Variants in MCPH1 observed in about 807,000 individuals in gnomAD.
MCPH1 encodes the protein microcephalin 1, also known as microcephalin.
Under a neutral mutation model 84.5 loss-of-function variants are expected in MCPH1, and 104 were observed. The observed-to-expected ratio is 1.23, with a 90% CI of 1.05 to 1.45. The LOEUF is 1.45. Among genes scored for constraint, MCPH1 ranks in the 40% most tolerant of loss-of-function variants. MCPH1 has a pLI of 0.00. For synonymous variants in MCPH1, 514 were observed against 366.8 expected (o/e 1.40, Z -4.58); for missense variants, 1,498 against 1,005.7 (o/e 1.49, Z -6.62).
chr8:6,453,490 T>G (rs989336092), intron 8 of MCPH1, among the ~76,000 whole-genome samples: 2 of 152,158 alleles, frequency 1.3e-5, no homozygotes, highest in Non-Finnish European at 2.9e-5. Flanking sequence ...ACAGCCTGTT[T>G]CGTTGTTCGG....
intron 12 of MCPH1, among the ~76,000 whole-genome samples, chr8:6,597,230 C>T (rs1828996965): frequency 6.6e-6 from 1 of 152,192 alleles, no homozygotes; most frequent in Non-Finnish European, 1.5e-5. Flanking sequence ...TCTGGCTGCT[C>T]ACAAGGCACC....
intron 1 of MCPH1, 61 bp downstream of exon 1, chr8:6,406,750 G>T: frequency 6.3e-7 from 1 of 1,584,718 alleles, no homozygotes; most frequent in Admixed American, 1.7e-5. Context: ...ACCCCTCGTC[G>T]CGGGCGCACT....
intron 3 of MCPH1, among the ~76,000 whole-genome samples, chr8:6,420,236 G>A (rs1224886791): frequency 6.6e-6 from 1 of 152,076 alleles, no homozygotes. Context: ...CCCCTTCCCT[G>A]GAGTGGGTGC....
chr8:6,431,676 T>A, intron 4 of MCPH1, 90 bp downstream of exon 4: 1 of 866,302 alleles, frequency 1.2e-6, no homozygotes, highest in Non-Finnish European at 1.8e-6. Flanking sequence ...TCTAGAAATA[T>A]ATTCAAGAGT....
In MCPH1 at chr8:6,641,088, C is replaced by T. The variant is rs540687491; in HGVS notation, c.2453-1906C>T. Among the ~76,000 whole-genome samples, 744 of 152,242 alleles carry T rather than the reference C, an allele frequency of 4.9e-3. 7 individuals are homozygous for T. The highest frequency in any genetic ancestry group is 0.028 in the South Asian group (135 of 4,828). ...ATTTCTCTTTTTAAAAATCATCTTCCTATGCATTTTTTTCTTTCCTATAAA... is the reference window on the plus strand; with the variant it reads ...ATTTCTCTTTTTAAAAATCATCTTCTTATGCATTTTTTTCTTTCCTATAAA... On this transcript the variant is annotated intron_variant, in intron 13 of 13. Coordinates refer to ENST00000344683, the MANE Select transcript of MCPH1 (RefSeq NM_024596.5).
chr8:6,452,969 A>G (rs1348683684), intron 8 of MCPH1, among the ~76,000 whole-genome samples: 1 of 152,246 alleles, frequency 6.6e-6, no homozygotes, highest in East Asian at 1.9e-4. Context: ...ATAGCCAGCC[A>G]TACCTCAGCT....
At chr8:6,641,063 A>G (rs912316359) in intron 13 of MCPH1, among the ~76,000 whole-genome samples, 5 of 151,744 alleles carry the variant, frequency 3.3e-5, no homozygotes, top group Non-Finnish European at 7.4e-5. Flanking sequence ...TTTTCTCATC[A>G]TTTCTCTTTT....
At chr8:6,628,977 G>A (rs1046353051) in intron 13 of MCPH1, among the ~76,000 whole-genome samples, 1 of 152,260 alleles carries the variant, frequency 6.6e-6, no homozygotes, top group East Asian at 1.9e-4. Flanking sequence ...AGTCAGTGTT[G>A]AAACTAAAGT....
intron 12 of MCPH1, among the ~76,000 whole-genome samples, chr8:6,607,740 A>T (rs1375642563): frequency 6.6e-6 from 1 of 152,020 alleles, no homozygotes; most frequent in Non-Finnish European, 1.5e-5. Flanking sequence ...CTTGCTTCCC[A>T]TTTTTCTCTC....
chr8:6,540,190 A>C (rs1475513679), intron 12 of MCPH1, among the ~76,000 whole-genome samples: 1 of 152,056 alleles, frequency 6.6e-6, no homozygotes, highest in Non-Finnish European at 1.5e-5. Context: ...AATTTTTTTC[A>C]CATATATTTG....
chr8:6,427,547 T>C (rs1466528939), intron 3 of MCPH1, among the ~76,000 whole-genome samples: 3 of 152,080 alleles, frequency 2.0e-5, no homozygotes, highest in African/African-American at 4.8e-5. Flanking sequence ...AATTTATTTT[T>C]ATTTTTATTT....
chr8:6,470,269 A>G (rs558314816), intron 9 of MCPH1, among the ~76,000 whole-genome samples: 28 of 152,000 alleles, frequency 1.8e-4, no homozygotes, highest in African/African-American at 6.8e-4. Flanking sequence ...AGATCCTCAT[A>G]CTTTGGGGTT....
At chr8:6,491,313 C>G (rs951731190) in intron 11 of MCPH1, among the ~76,000 whole-genome samples, 4 of 150,538 alleles carry the variant, frequency 2.7e-5, no homozygotes, top group African/African-American at 9.7e-5. Flanking sequence ...AATAATGTCT[C>G]ACTTATGGAG....
In MCPH1 at chr8:6,527,899, A is replaced by ATTTTTTTTTTTTTTTTT. The variant is rs71213313; in HGVS notation, c.2214+27984_2214+27985insTTTTTTTTTTTTTTTTT. Among the ~76,000 whole-genome samples, 62 of 133,108 alleles carry ATTTTTTTTTTTTTTTTT rather than the reference A, an allele frequency of 4.7e-4. 2 individuals are homozygous for ATTTTTTTTTTTTTTTTT. Among genetic ancestry groups the ATTTTTTTTTTTTTTTTT allele is most frequent in the South Asian group, 7.4e-4 (3 of 4,042 alleles). 87.3% of individuals were successfully genotyped at this position (133,108 alleles called of 152,430 possible). A position where few individuals can be genotyped will look rare whatever the true frequency, so the allele number is the denominator to read the frequency against. ...TTTTTACTCTTTTCCCCACGTCTCT[A>ATTTTTTTTTTTTTTTTT]TTTTTTTTTTTTTTGAGATGGAATC... is the stretch of plus-strand genomic sequence containing the variant. On this transcript the variant is annotated intron_variant, in intron 12 of 13. Transcript: ENST00000344683.
chr8:6,615,628 CT>C (rs769015864), intron 12 of MCPH1: 7 of 152,184 alleles, frequency 4.6e-5, no homozygotes, highest in Non-Finnish European at 7.3e-5. Flanking sequence ...CACATTTTAT[CT>C]TTTAAATGTG....
chr8:6,486,354 T>C (rs183531295), intron 11 of MCPH1, among the ~76,000 whole-genome samples: 17 of 152,024 alleles, frequency 1.1e-4, no homozygotes, highest in Admixed American at 7.2e-4. Context: ...TCCAATGTAG[T>C]TGGGGGATTC....
At chr8:6,434,159 C>G (rs1272579338) in intron 4 of MCPH1, among the ~76,000 whole-genome samples, 2 of 152,196 alleles carry the variant, frequency 1.3e-5, no homozygotes, top group Non-Finnish European at 2.9e-5. Flanking sequence ...TCCTAACACA[C>G]TGTAGTAATG....
chr8:6,632,201 A>T (rs1379925781), intron 13 of MCPH1, among the ~76,000 whole-genome samples: 1 of 152,238 alleles, frequency 6.6e-6, no homozygotes, highest in East Asian at 1.9e-4. Context: ...GTGGAGAATT[A>T]TTGTTTAATG....
At chr8:6,502,221 A>G (rs1261050940) in intron 12 of MCPH1, 1 of 152,318 alleles carries the variant, frequency 6.6e-6, no homozygotes, top group Non-Finnish European at 1.5e-5. Flanking sequence ...TTTCCTTATC[A>G]CAAGGCACAA....
Sources: gnomAD v4.1 joint callset for allele counts (sites outside exome capture counted in the v4.1 genomes callset) on GRCh38, gnomAD v4.1.1 for gene constraint, MANE v1.5 for transcripts, NCBI Gene and HGNC (gene_info 2026-07-23, HGNC 2026-07-21) for gene names.